ZNF277: variants seen among roughly 807,000 people sequenced by gnomAD.
The protein encoded by ZNF277 is nuclear receptor-interacting factor 4.
In ZNF277, 55 loss-of-function variants were observed where a neutral mutation model predicts 60.7. That is an observed-to-expected ratio of 0.91 (90% CI 0.73 to 1.13). The LOEUF is 1.13. Ranked by LOEUF, ZNF277 falls within the 50% of genes most tolerant of loss-of-function variation. The probability of loss-of-function intolerance (pLI) is 0.00; values close to 1 mark genes in which losing one functional copy is unlikely to be tolerated. For synonymous variants in ZNF277, 178 were observed against 179.3 expected (o/e 0.99, Z 0.06); for missense variants, 510 against 523.0 (o/e 0.98, Z 0.24).
At chr7:112,314,653 G>A (rs1047959465) in intron 4 of ZNF277, among the ~76,000 whole-genome samples, 2 of 151,954 alleles carry the variant, frequency 1.3e-5, no homozygotes, top group Admixed American at 6.6e-5. Context: ...AAAATTAACC[G>A]GGCATAGTTG....
chr7:112,340,167 G>A (rs1271274830), intron 10 of ZNF277, among the ~76,000 whole-genome samples: 1 of 152,192 alleles, frequency 6.6e-6, no homozygotes, highest in African/African-American at 2.4e-5. Context: ...ATTGGAGGGG[G>A]CTAGTGGAAT....
At chr7:112,215,825 GT>G (rs953145521) in intron 1 of ZNF277, among the ~76,000 whole-genome samples, 6 of 151,964 alleles carry the variant, frequency 3.9e-5, no homozygotes, top group African/African-American at 1.5e-4. Flanking sequence ...AGAGAGGTTT[GT>G]TTTTTTACTA....
chr7:112,330,548 CTTTTT>C (rs1171213748), intron 7 of ZNF277: 7 of 108,138 alleles, frequency 6.5e-5, no homozygotes, highest in Admixed American at 3.5e-4. Context: ...AGACTCCTTT[CTTTTT>C]TTTTTTTTTT....
rs144919683 is a variant in ZNF277, at chr7:112,338,771, T to C, written c.966+945T>C. 1.7e-3 allele frequency among the ~76,000 whole-genome samples: 258 copies of C among 152,368 alleles called. 1 individual carries two copies. Among genetic ancestry groups the C allele is most frequent in the Non-Finnish European group, 2.9e-3 (198 of 68,038 alleles). On this transcript the variant is annotated intron_variant, in intron 9 of 11. Coordinates refer to ENST00000361822, the MANE Select transcript of ZNF277 (RefSeq NM_021994.3). ...TTCATAATATCTTAATGTCTTTGTA[T>C]TGAAGGCAGCCTTAGTATGCCTATC...
intron 1 of ZNF277, among the ~76,000 whole-genome samples, chr7:112,246,376 G>A (rs1791087010): frequency 6.6e-6 from 1 of 152,148 alleles, no homozygotes; most frequent in African/African-American, 2.4e-5. Context: ...CCTCGCGACA[G>A]AGCAAGACCC....
intron 4 of ZNF277, among the ~76,000 whole-genome samples, chr7:112,301,114 C>G (rs1245420190): frequency 6.6e-6 from 1 of 151,728 alleles, no homozygotes; most frequent in Non-Finnish European, 1.5e-5. Flanking sequence ...ACAAGATCTC[C>G]CTCTGTCGCC....
chr7:112,316,336 A>C (rs539605330), intron 4 of ZNF277, among the ~76,000 whole-genome samples: 1 of 152,030 alleles, frequency 6.6e-6, no homozygotes, highest in South Asian at 2.1e-4. Context: ...TTTTTCATAT[A>C]TTTCTTGGCT....
chr7:112,292,507 C>T (rs974598717), intron 2 of ZNF277, among the ~76,000 whole-genome samples: 4 of 152,104 alleles, frequency 2.6e-5, no homozygotes. Flanking sequence ...TCTATGTGAC[C>T]TCATTGGTCT....
At chr7:112,290,853 G>A (rs1030779787) in intron 2 of ZNF277, among the ~76,000 whole-genome samples, 11 of 152,150 alleles carry the variant, frequency 7.2e-5, no homozygotes, top group Non-Finnish European at 1.6e-4. Context: ...AATTTTAGAA[G>A]ACAAGGTATA....
intron 1 of ZNF277, among the ~76,000 whole-genome samples, chr7:112,241,912 A>T (rs576487381): frequency 6.6e-6 from 1 of 152,124 alleles, no homozygotes; most frequent in Non-Finnish European, 1.5e-5. Context: ...ATAGTCAGAT[A>T]GAGTGAATAA....
chr7:112,215,704 A>G (rs1449765438), intron 1 of ZNF277, among the ~76,000 whole-genome samples: 1 of 152,140 alleles, frequency 6.6e-6, no homozygotes, highest in Non-Finnish European at 1.5e-5. Context: ...TGTTTCTCTA[A>G]TACTGTCCTC....
chr7:112,228,543 AC>A (rs1389805406), intron 1 of ZNF277, among the ~76,000 whole-genome samples: 1 of 132,506 alleles, frequency 7.5e-6, no homozygotes, highest in Non-Finnish European at 1.5e-5. Flanking sequence ...TTATACATTG[AC>A]CTTGTCATTC....
At chr7:112,335,579 C>A (rs1001100074) in intron 7 of ZNF277, among the ~76,000 whole-genome samples, 1 of 152,068 alleles carries the variant, frequency 6.6e-6, no homozygotes, top group Non-Finnish European at 1.5e-5. Context: ...GACAGTAACT[C>A]ATTCATTTAA....
intron 1 of ZNF277, among the ~76,000 whole-genome samples, chr7:112,282,292 C>T (rs772930158): frequency 2.0e-5 from 3 of 152,226 alleles, no homozygotes; most frequent in African/African-American, 7.2e-5. Context: ...TGGAGAAGGG[C>T]CTGGAAGACA....
intron 5 of ZNF277, among the ~76,000 whole-genome samples, chr7:112,320,248 G>A (rs1388171238): frequency 1.3e-5 from 2 of 152,024 alleles, no homozygotes; most frequent in African/African-American, 4.8e-5. Context: ...TCTGTATTGA[G>A]TAGGGTCACA....
At chr7:112,311,012 T>C (rs1792719597) in intron 4 of ZNF277, among the ~76,000 whole-genome samples, 1 of 152,166 alleles carries the variant, frequency 6.6e-6, no homozygotes, top group Non-Finnish European at 1.5e-5. Flanking sequence ...GTTATTTCCA[T>C]TGGATTTGTC....
chr7:112,232,689 A>G (rs1362432097), intron 1 of ZNF277, among the ~76,000 whole-genome samples: 3 of 152,122 alleles, frequency 2.0e-5, no homozygotes, highest in African/African-American at 7.2e-5. Context: ...GTTGTGTATC[A>G]AATGTTTTTT....
At chr7:112,312,224 A>C (rs1792748034) in intron 4 of ZNF277, among the ~76,000 whole-genome samples, 1 of 152,102 alleles carries the variant, frequency 6.6e-6, no homozygotes, top group Non-Finnish European at 1.5e-5. Context: ...TGGAAAAAAA[A>C]ATTTTTTCTA....
intron 1 of ZNF277, among the ~76,000 whole-genome samples, chr7:112,212,873 C>T (rs765956976): frequency 6.6e-5 from 10 of 152,270 alleles, no homozygotes; most frequent in Admixed American, 2.0e-4. Context: ...GCTCCCCACC[C>T]GCACACACAC....
Sources: gnomAD v4.1 joint callset for allele counts (sites outside exome capture counted in the v4.1 genomes callset) on GRCh38, gnomAD v4.1.1 for gene constraint, MANE v1.5 for transcripts, NCBI Gene and HGNC (gene_info 2026-07-23, HGNC 2026-07-21) for gene names.